FRMPD4: variants seen among roughly 807,000 people sequenced by gnomAD.
The protein encoded by FRMPD4 is FERM and PDZ domain-containing protein 4.
FRMPD4 carries 22 observed loss-of-function variants against 94.1 expected under a neutral mutation model. The observed-to-expected ratio is 0.23, with a 90% CI of 0.17 to 0.33. The LOEUF (loss-of-function observed/expected upper bound fraction) is 0.33. Among genes scored for constraint, FRMPD4 ranks in the 10% least tolerant of loss-of-function variants. The pLI is 1.00. For missense variants in FRMPD4, 1,111 were observed against 1,339.9 expected (o/e 0.83, Z 2.67); for synonymous variants, 631 against 548.6 (o/e 1.15, Z -2.10).
intron 1 of FRMPD4, among the ~76,000 whole-genome samples, chrX:12,217,484 G>T (rs151025724): frequency 0.014 from 1,584 of 112,201 alleles, 28 homozygotes; most frequent in African/African-American, 0.049. Context: ...ATGCATTCAT[G>T]TCTGTAAAGA....
chrX:12,254,693 C>G (rs2147816004), intron 1 of FRMPD4, among the ~76,000 whole-genome samples: 1 of 112,026 alleles, frequency 8.9e-6, no homozygotes, highest in South Asian at 3.8e-4. Flanking sequence ...GATAATATCA[C>G]CAACAATTAT....
At chrX:12,366,680 A>G (rs2147999778) in intron 1 of FRMPD4, among the ~76,000 whole-genome samples, 1 of 112,496 alleles carries the variant, frequency 8.9e-6, no homozygotes, top group Non-Finnish European at 1.9e-5. Flanking sequence ...CACAAGAGTG[A>G]TCCAGTCCTT....
At chrX:12,015,675 A>G (rs1428782781) in intron 3 of FRMPD4, among the ~76,000 whole-genome samples, 5 of 112,473 alleles carry the variant, frequency 4.4e-5, no homozygotes, top group Non-Finnish European at 9.4e-5. Flanking sequence ...ATTAAGATGT[A>G]GGTAAAATAC....
chrX:12,134,223 C>G (rs745669930), upstream of FRMPD4, among the ~76,000 whole-genome samples: 1 of 112,162 alleles, frequency 8.9e-6, no homozygotes, highest in Non-Finnish European at 1.9e-5. Flanking sequence ...CTAGCCACTC[C>G]CTTTCCATCA....
chrX:12,270,957 CT>C (rs2054346930), intron 1 of FRMPD4, among the ~76,000 whole-genome samples: 1 of 111,891 alleles, frequency 8.9e-6, no homozygotes, highest in Admixed American at 9.5e-5. Context: ...TTTGCAATTT[CT>C]TGTATGTCTA....
intron 3 of FRMPD4, among the ~76,000 whole-genome samples, chrX:11,933,728 C>T (rs1251491572): frequency 5.4e-5 from 6 of 111,832 alleles, no homozygotes; most frequent in Non-Finnish European, 7.5e-5. Context: ...TATTTGGTGA[C>T]GTTATTGAGG....
At chrX:12,568,774 A>G (rs1257284714) in intron 2 of FRMPD4, among the ~76,000 whole-genome samples, 1 of 112,224 alleles carries the variant, frequency 8.9e-6, no homozygotes, top group Non-Finnish European at 1.9e-5. Context: ...AGTGAAAAGT[A>G]TGGAATTACT....
intron 3 of FRMPD4, among the ~76,000 whole-genome samples, chrX:12,083,122 C>T (rs746277178): frequency 4.4e-5 from 5 of 112,688 alleles, no homozygotes; most frequent in African/African-American, 1.3e-4. Flanking sequence ...TGTGAGAGAC[C>T]TTCATGGCAT....
At chrX:12,431,241 G>A (rs1029409524) in intron 1 of FRMPD4, among the ~76,000 whole-genome samples, 2 of 112,538 alleles carry the variant, frequency 1.8e-5, no homozygotes, top group East Asian at 5.6e-4. Context: ...TAATCAAAAT[G>A]CAATGCATCC....
At chrX:12,109,291 A>C (rs1466981852) in intron 3 of FRMPD4, among the ~76,000 whole-genome samples, 1 of 112,148 alleles carries the variant, frequency 8.9e-6, no homozygotes, top group Non-Finnish European at 1.9e-5. Flanking sequence ...GCTCAACTAC[A>C]TGGAAACTGA....
intron 1 of FRMPD4, among the ~76,000 whole-genome samples, chrX:12,449,141 G>A (rs1309107625): frequency 8.9e-6 from 1 of 112,227 alleles, no homozygotes; most frequent in Non-Finnish European, 1.9e-5. Flanking sequence ...ACTGATTGTG[G>A]TCAACCCTCT....
rs186881573 is a variant in FRMPD4 at position 12,675,026 on chromosome X, A to G, written c.468+118A>G. 4.4e-4 allele frequency: 239 copies of G among 538,594 alleles called. 1 individual carries two copies. In the African/African-American group the frequency reaches 5.0e-3, roughly 11 times the overall value. The allele number at this position is 538,594 out of a possible 1,213,427, so 44.4% of individuals were successfully genotyped here. A position where few individuals can be genotyped will look rare whatever the true frequency, so the allele number is the denominator to read the frequency against. On this transcript the variant is annotated intron_variant, in intron 5 of 16. Coordinates refer to ENST00000675598, the MANE Select transcript of FRMPD4 (RefSeq NM_001368397.1). ...CAGAGAAAAATAACATGCACTCACA[A>G]TATGGGTTCAAAAATCTTGACTATT...
Position 12,706,923 on chromosome X carries a change from C to CTTTTTTTTTTT in FRMPD4, c.1287+16_1287+26dup, listed in dbSNP as rs746601138. ...TTCAAGGCAACATTAGTGGTAATTT[C>CTTTTTTTTTTT]TTTTTTTTTTTTTTTTTTGCTTTCT... is the stretch of plus-strand genomic sequence containing the variant. On this transcript the variant is annotated intron_variant, in intron 12 of 16. Coordinates refer to ENST00000675598, the MANE Select transcript of FRMPD4 (RefSeq NM_001368397.1). 3.3e-5 allele frequency: 20 copies of CTTTTTTTTTTT among 609,246 alleles called. No homozygotes were observed. Among genetic ancestry groups the CTTTTTTTTTTT allele is most frequent in the South Asian group, 6.7e-5 (2 of 29,721 alleles). The allele number at this position is 609,246 out of a possible 1,213,427, so 50.2% of individuals were successfully genotyped here. A position where few individuals can be genotyped will look rare whatever the true frequency, so the allele number is the denominator to read the frequency against.
chrX:12,230,965 AAT>A (rs1162377500), intron 1 of FRMPD4, among the ~76,000 whole-genome samples: 17 of 63,483 alleles, frequency 2.7e-4, no homozygotes, highest in South Asian at 1.3e-3. Context: ...ATATATAGTA[AAT>A]ATATAGTAAT....
chrX:12,312,511 C>A (rs2055051311), intron 1 of FRMPD4, among the ~76,000 whole-genome samples: 1 of 110,374 alleles, frequency 9.1e-6, no homozygotes, highest in Admixed American at 9.6e-5. Context: ...CCTCAGCCTC[C>A]CAAAGTGCTG....
At chrX:11,965,945 A>G (rs1264867524) in intron 3 of FRMPD4, among the ~76,000 whole-genome samples, 1 of 111,610 alleles carries the variant, frequency 9.0e-6, no homozygotes, top group Non-Finnish European at 1.9e-5. Context: ...TCACAATAGA[A>G]TAACGCTTCC....
At chrX:11,996,126 AAAT>A (rs2054494910) in intron 3 of FRMPD4, among the ~76,000 whole-genome samples, 1 of 112,137 alleles carries the variant, frequency 8.9e-6, no homozygotes, top group Non-Finnish European at 1.9e-5. Flanking sequence ...AAAGAAAAAA[AAAT>A]AAAGCAGACA....
At chrX:11,877,559 C>T (rs1159307788) in intron 2 of FRMPD4, among the ~76,000 whole-genome samples, 3 of 112,140 alleles carry the variant, frequency 2.7e-5, no homozygotes, top group Non-Finnish European at 5.6e-5. Context: ...AGAGATCTTG[C>T]TGTTGACTTG....
At chrX:12,333,114 A>C (rs2055457861) in intron 1 of FRMPD4, among the ~76,000 whole-genome samples, 1 of 112,185 alleles carries the variant, frequency 8.9e-6, no homozygotes, top group Non-Finnish European at 1.9e-5. Flanking sequence ...ACCTCATTTA[A>C]AGATAAACAT....
Sources: gnomAD v4.1 joint callset for allele counts (sites outside exome capture counted in the v4.1 genomes callset) on GRCh38, gnomAD v4.1.1 for gene constraint, MANE v1.5 for transcripts, NCBI Gene and HGNC (gene_info 2026-07-23, HGNC 2026-07-21) for gene names.